The following ADGRG6 variants were observed in gnomAD, a reference collection of about 807,000 sequenced individuals.
The protein encoded by ADGRG6 is G-protein coupled receptor 126.
A neutral mutation model predicts 142.4 loss-of-function variants in ADGRG6; 84 were observed. The observed-to-expected ratio is 0.59, with a 90% CI of 0.49 to 0.71. The LOEUF is 0.71. ADGRG6 is among the 30% of genes least tolerant of loss of function. The pLI is 0.00. For synonymous variants in ADGRG6, 521 were observed against 520.5 expected, an observed-to-expected ratio of 1.00 and a Z score of -0.01; for missense variants, 1,367 against 1,466.6, an observed-to-expected ratio of 0.93 and a Z score of 1.11.
At position 142,318,360 on chromosome 6, in the gene ADGRG6, A is replaced by ATTTATATTATATATTTATATATTATAT. The variant is rs1562307976; in HGVS notation, c.103+8716_103+8717insTTTATATTATATATTTATATATTATAT. ...TATATTATATATTTATATATTATAT[A>ATTTATATTATATATTTATATATTATAT]ATATTTATATATATTTATATATTTA... On this transcript the variant is annotated intron_variant, in intron 2 of 24. Coordinates refer to ENST00000367609, the MANE Select transcript of ADGRG6 (RefSeq NM_198569.3). 1.0e-3 allele frequency among the ~76,000 whole-genome samples: 81 copies of ATTTATATTATATATTTATATATTATAT among 80,584 alleles called. 1 individual carries two copies. Among genetic ancestry groups the ATTTATATTATATATTTATATATTATAT allele is most frequent in the African/African-American group, 6.4e-3 (77 of 12,124 alleles). The allele number at this position is 80,584 out of a possible 152,430, so 52.9% of individuals were successfully genotyped here.
intron 2 of ADGRG6, among the ~76,000 whole-genome samples, chr6:142,345,716 T>C (rs1040751994): frequency 6.6e-6 from 1 of 152,158 alleles, no homozygotes; most frequent in African/African-American, 2.4e-5. Flanking sequence ...AGTGACAGCA[T>C]GGCTATTTGT....
At chr6:142,309,809 C>A (rs1319188965) in intron 2 of ADGRG6, among the ~76,000 whole-genome samples, 165 bp downstream of exon 2, 3 of 145,154 alleles carry the variant, frequency 2.1e-5, no homozygotes, top group Non-Finnish European at 4.6e-5. Context: ...TTTGTCTGTT[C>A]TCTTTGAATT....
At chr6:142,318,490 T>C (rs1778352045) in intron 2 of ADGRG6, among the ~76,000 whole-genome samples, 1 of 142,212 alleles carries the variant, frequency 7.0e-6, no homozygotes, top group African/African-American at 2.6e-5. Context: ...AATCATTGCC[T>C]TTAATGTTAA....
chr6:142,366,768 A>G lies in ADGRG6; in HGVS notation c.104-801A>G, dbSNP rs546850923. ...AGACTGTCTCAAAAAAAAAAAAAAA[A>G]GATTCCTTTATAGAGAGATTTTGTC... On this transcript the variant is annotated intron_variant, in intron 2 of 24. Transcript: ENST00000367609. Among the ~76,000 whole-genome samples, 385 of 151,412 alleles carry G rather than the reference A, an allele frequency of 2.5e-3. 3 individuals are homozygous for G. The highest frequency in any genetic ancestry group is 4.7e-3 in the Non-Finnish European group (321 of 67,912).
chr6:142,405,637 T>A, intron 14 of ADGRG6, 51 bp from the exon 15 acceptor site: 2 of 1,450,348 alleles, frequency 1.4e-6, no homozygotes, highest in Non-Finnish European at 1.9e-6. Flanking sequence ...AATAAAGTTA[T>A]TACCATTCAA....
chr6:142,379,661 G>A (rs1300628223), intron 4 of ADGRG6, among the ~76,000 whole-genome samples: 1 of 152,096 alleles, frequency 6.6e-6, no homozygotes, highest in African/African-American at 2.4e-5. Flanking sequence ...CAGCTACTCG[G>A]GAGGCTGAGG....
At chr6:142,387,067 A>C (rs536542457) in intron 6 of ADGRG6, among the ~76,000 whole-genome samples, 1 of 152,334 alleles carries the variant, frequency 6.6e-6, no homozygotes, top group Non-Finnish European at 1.5e-5. Flanking sequence ...GATGTTACTC[A>C]AGGACCTGCT....
At chr6:142,390,381 C>A (rs761602780) in intron 7 of ADGRG6, 38 bp downstream of exon 7, 5 of 1,175,394 alleles carry the variant, frequency 4.3e-6, no homozygotes, top group Admixed American at 3.7e-5. Flanking sequence ...TAAAAAAATT[C>A]TTTAACTTCT....
intron 2 of ADGRG6, among the ~76,000 whole-genome samples, chr6:142,314,881 C>T (rs1301456898): frequency 1.3e-5 from 2 of 151,972 alleles, no homozygotes; most frequent in African/African-American, 4.8e-5. Context: ...ATTCCCCTAT[C>T]ACTAGTAATC....
At position 142,339,249 on chromosome 6, in the gene ADGRG6, A is replaced by G. The variant is rs574294973; in HGVS notation, c.104-28320A>G. Among the ~76,000 whole-genome samples, 5 of 152,354 alleles carry G rather than the reference A, an allele frequency of 3.3e-5. No homozygotes were observed. In the East Asian group the frequency reaches 5.8e-4, roughly 18 times the overall value. ...TAAACTGCTTAGAGCAGTTGCAAGA[A>G]CAAGCCAGGTGGAGAATCCCTTCTC... On this transcript the variant is annotated intron_variant, in intron 2 of 24. Transcript: ENST00000367609.
chr6:142,397,136 GA>G (rs1321622130), intron 9 of ADGRG6, among the ~76,000 whole-genome samples: 2 of 151,954 alleles, frequency 1.3e-5, no homozygotes, highest in East Asian at 3.9e-4. Context: ...TCACATTCAT[GA>G]ATAGTAACAC....
intron 2 of ADGRG6, among the ~76,000 whole-genome samples, chr6:142,364,986 A>AGGAT (rs1418140030): frequency 6.6e-6 from 1 of 152,350 alleles, no homozygotes; most frequent in Non-Finnish European, 1.5e-5. Context: ...TTGGATATAA[A>AGGAT]GGATGGCATC....
rs1777259005 is a variant in ADGRG6, at chr6:142,302,281, TGGA to T, written c.-45_-43del. ...CAGCGGCAGCAGAGCGGGAAAGTGG[TGGA>T]GGATGATCTTGCGGCCAAAGGGGAC... On this transcript the variant is annotated 5_prime_UTR_variant, in exon 1 of 25. In the 5' UTR this introduces an upstream ATG that the reference lacks. Transcript: ENST00000367609. 6.2e-7 allele frequency: 1 copy of T among 1,607,394 alleles called. No homozygotes were observed. Among genetic ancestry groups the T allele is most frequent in the Non-Finnish European group, 8.5e-7 (1 of 1,176,442 alleles).
At chr6:142,395,712 T>C (rs896426768) in intron 9 of ADGRG6, among the ~76,000 whole-genome samples, 3 of 152,230 alleles carry the variant, frequency 2.0e-5, no homozygotes, top group African/African-American at 7.2e-5. Context: ...TTAATATTTA[T>C]GTTTATAGCC....
Position 142,313,913 on chromosome 6 carries a change from G to C in ADGRG6, c.103+4269G>C, listed in dbSNP as rs1777896494. On this transcript the variant is annotated intron_variant, in intron 2 of 24. Coordinates refer to ENST00000367609, the MANE Select transcript of ADGRG6 (RefSeq NM_198569.3). ...AAAAAAAAATTCAGTATTGTGTATT[G>C]AAAATTACTAAGTGTGTCTTAAAGG... 2.0e-5 allele frequency among the ~76,000 whole-genome samples: 3 copies of C among 151,988 alleles called. No individual in the cohort carries two copies. In the South Asian group the frequency reaches 6.2e-4, roughly 32 times the overall value.
chr6:142,406,454 T>G (rs1440376423), intron 15 of ADGRG6, among the ~76,000 whole-genome samples: 2 of 152,214 alleles, frequency 1.3e-5, no homozygotes, highest in Non-Finnish European at 2.9e-5. Context: ...GCTGGGCCCT[T>G]TTTAAAAAAT....
intron 22 of ADGRG6, among the ~76,000 whole-genome samples, chr6:142,431,954 A>G (rs190840482): frequency 9.0e-4 from 137 of 152,298 alleles, no homozygotes; most frequent in Admixed American, 3.5e-3. Flanking sequence ...AATTGGAATG[A>G]GAAATCAAAC....
intron 2 of ADGRG6, among the ~76,000 whole-genome samples, chr6:142,359,044 TAA>T (rs35958800): frequency 6.4e-5 from 9 of 139,868 alleles, no homozygotes; most frequent in Non-Finnish European, 4.7e-5. Context: ...CCTCTACAAT[TAA>T]AAAAAAAAAA....
intron 22 of ADGRG6, among the ~76,000 whole-genome samples, chr6:142,433,353 T>C (rs1777306202): frequency 1.3e-5 from 2 of 152,216 alleles, no homozygotes; most frequent in African/African-American, 4.8e-5. Flanking sequence ...TATACACTTT[T>C]GCTTATTCAA....
Sources: gnomAD v4.1 joint callset for allele counts (sites outside exome capture counted in the v4.1 genomes callset) on GRCh38, gnomAD v4.1.1 for gene constraint, MANE v1.5 for transcripts, NCBI Gene and HGNC (gene_info 2026-07-23, HGNC 2026-07-21) for gene names.